SLC4A4: variants seen among roughly 807,000 people sequenced by gnomAD.
SLC4A4 encodes the protein solute carrier family 4 member 4.
In SLC4A4, 27 loss-of-function variants were observed where a neutral mutation model predicts 111.5. That is an observed-to-expected ratio of 0.24 (90% CI 0.18 to 0.33). SLC4A4 has a LOEUF of 0.33. Among genes scored for constraint, SLC4A4 ranks in the 10% least tolerant of loss-of-function variants. The pLI is 1.00. For missense variants in SLC4A4, 909 were observed against 1,315.5 expected (o/e 0.69, Z 4.78); for synonymous variants, 443 against 463.4 (o/e 0.96, Z 0.57).
chr4:71,143,501 C>T (rs970236756), intron 2 of SLC4A4, among the ~76,000 whole-genome samples: 2 of 152,160 alleles, frequency 1.3e-5, no homozygotes, highest in Non-Finnish European at 2.9e-5. Context: ...ATTTCTAATT[C>T]TAGATCCCTG....
intron 2 of SLC4A4, among the ~76,000 whole-genome samples, chr4:71,172,176 T>A (rs567358798): frequency 7.2e-5 from 11 of 152,178 alleles, no homozygotes; most frequent in African/African-American, 2.7e-4. Context: ...GGAGTTTACC[T>A]ATCAATAATT....
intron 3 of SLC4A4, among the ~76,000 whole-genome samples, chr4:71,268,076 T>TG (rs1491286712): frequency 0.16 from 1,766 of 11,080 alleles, 16 homozygotes; most frequent in Middle Eastern, 0.25. Context: ...TAAAGTAGTG[T>TG]TTTTTTTTTT....
At chr4:71,078,872 G>T (rs796264772) in intron 1 of SLC4A4, among the ~76,000 whole-genome samples, 8 of 152,056 alleles carry the variant, frequency 5.3e-5, no homozygotes, top group African/African-American at 1.9e-4. Flanking sequence ...AGGTTGGAGT[G>T]CAATGGCATG....
chr4:71,389,415 C>A (rs1719063563), intron 6 of SLC4A4, among the ~76,000 whole-genome samples: 1 of 152,226 alleles, frequency 6.6e-6, no homozygotes, highest in Admixed American at 6.5e-5. Flanking sequence ...CAGCTTTTCT[C>A]TACCCCAGCC....
intron 6 of SLC4A4, among the ~76,000 whole-genome samples, chr4:71,358,212 G>A (rs1443127634): frequency 1.3e-5 from 2 of 152,054 alleles, no homozygotes; most frequent in Admixed American, 1.3e-4. Flanking sequence ...CTACTTGGGA[G>A]GGTGAGGCCA....
At chr4:71,090,311 A>G (rs570024655) in intron 1 of SLC4A4, among the ~76,000 whole-genome samples, 2 of 152,256 alleles carry the variant, frequency 1.3e-5, no homozygotes, top group Admixed American at 6.5e-5. Flanking sequence ...TTCTTTGACT[A>G]GGAAAGGGAA....
chr4:71,204,072 A>T (rs1390656849), intron 1 of SLC4A4, among the ~76,000 whole-genome samples: 3 of 152,226 alleles, frequency 2.0e-5, no homozygotes, highest in African/African-American at 7.2e-5. Flanking sequence ...GGTTTATCAA[A>T]AGGAGAGGAA....
chr4:71,174,794 G>A (rs2579335), intron 2 of SLC4A4, among the ~76,000 whole-genome samples: 1 of 152,064 alleles, frequency 6.6e-6, no homozygotes, highest in Non-Finnish European at 1.5e-5. Context: ...CCAGGCTGGA[G>A]TGCAGTGGCA....
chr4:71,390,875 T>C (rs1719192355), intron 6 of SLC4A4, among the ~76,000 whole-genome samples: 1 of 152,164 alleles, frequency 6.6e-6, no homozygotes, highest in Non-Finnish European at 1.5e-5. Context: ...TTAACCTGCT[T>C]GAAGTTCATT....
intron 1 of SLC4A4, among the ~76,000 whole-genome samples, chr4:71,222,489 A>T (rs1718805644): frequency 6.6e-6 from 1 of 152,154 alleles, no homozygotes; most frequent in South Asian, 2.1e-4. Context: ...ACGATTTTTA[A>T]ATTTTGGGTA....
intron 3 of SLC4A4, among the ~76,000 whole-genome samples, chr4:71,274,108 A>G (rs1361653395): frequency 6.6e-6 from 1 of 152,244 alleles, no homozygotes; most frequent in Non-Finnish European, 1.5e-5. Context: ...TAATGAACAC[A>G]TTTTATATGT....
At chr4:71,180,313 A>C (rs1409894407) in intron 2 of SLC4A4, among the ~76,000 whole-genome samples, 2 of 152,244 alleles carry the variant, frequency 1.3e-5, no homozygotes, top group African/African-American at 4.8e-5. Flanking sequence ...TGTCTAAAAC[A>C]CCAAAAGCAA....
At chr4:71,067,454 C>T (rs1741550764) in intron 1 of SLC4A4, among the ~76,000 whole-genome samples, 1 of 152,238 alleles carries the variant, frequency 6.6e-6, no homozygotes. Flanking sequence ...TGATTATTGG[C>T]TATTTTGTTC....
intron 7 of SLC4A4, among the ~76,000 whole-genome samples, chr4:71,415,158 A>G (rs1029479737): frequency 6.6e-6 from 1 of 152,378 alleles, no homozygotes. Flanking sequence ...TGGTAGAATG[A>G]ACTTACCTAG....
rs552341302 is a variant in SLC4A4 at position 71,188,650 on chromosome 4, C to CT, written c.-2+1259dup. On this transcript the variant is annotated intron_variant, in intron 1 of 25. Coordinates refer to ENST00000264485, the MANE Select transcript of SLC4A4 (RefSeq NM_001098484.3). ...TTAAAGTGTACATTGCTCATTTGGG[C>CT]TTTTTTTTTTCATTGTGATTTCAGT... Among the ~76,000 whole-genome samples the CT allele has an allele frequency of 3.9e-4, 58 of 147,412 alleles. No homozygotes were observed. In the East Asian group the frequency reaches 4.4e-3, roughly 11 times the overall value.
Position 71,472,910 on chromosome 4 carries a change from T to A in SLC4A4, c.1843T>A (p.Ser615Thr). Reference sequence around the variant, plus strand: ...GCTTGCAGATTACTACCCCATCAACTCCAACTTCAAAGTGGGCTACAACAC... The same window carrying A: ...GCTTGCAGATTACTACCCCATCAACACCAACTTCAAAGTGGGCTACAACAC... ...IKLADYYPIN[S>T]NFKVGYNTLF... Residue 615 changes from serine to threonine, a missense_variant, in exon 14 of 26, where the codon TCC becomes ACC. Ser to Thr is a moderately conservative substitution (Grantham distance 58). Around this residue, in one of 7 missense-constraint regions of SLC4A4, gnomAD observed 264 missense variants for 356.8 expected, o/e 0.74. Transcript: ENST00000264485. 1 of 1,612,956 alleles carries A rather than the reference T, an allele frequency of 6.2e-7. No homozygotes were observed. Among genetic ancestry groups the A allele is most frequent in the Non-Finnish European group, 8.5e-7 (1 of 1,179,372 alleles).
At chr4:71,522,687 T>C (rs1189342006) in intron 16 of SLC4A4, among the ~76,000 whole-genome samples, 1 of 152,196 alleles carries the variant, frequency 6.6e-6, no homozygotes, top group Non-Finnish European at 1.5e-5. Context: ...AGAATATGCA[T>C]TAATTCTAAC....
intron 1 of SLC4A4, among the ~76,000 whole-genome samples, chr4:71,221,563 A>G (rs1718747343): frequency 6.6e-6 from 1 of 152,126 alleles, no homozygotes; most frequent in South Asian, 2.1e-4. Flanking sequence ...AAAAAAAAAC[A>G]CCAACAATAA....
In SLC4A4 at chr4:71,336,591, A is replaced by C. The variant is rs56920712; in HGVS notation, c.254-2779A>C. On this transcript the variant is annotated intron_variant, in intron 3 of 25. Transcript: ENST00000264485. Reference sequence around the variant, plus strand: ...TGATACAGAGCATGCATTTTTTTTCAATGCCTAGACAAACTGTCATGCTCT... The same window carrying C: ...TGATACAGAGCATGCATTTTTTTTCCATGCCTAGACAAACTGTCATGCTCT... Among the ~76,000 whole-genome samples, 1,195 of 152,186 alleles carry C rather than the reference A, an allele frequency of 7.9e-3. 16 individuals are homozygous for C. The highest frequency in any genetic ancestry group is 0.025 in the African/African-American group (1,057 of 41,532).
Sources: allele counts gnomAD v4.1 joint callset (sites outside exome capture counted in the v4.1 genomes callset), GRCh38; gene constraint gnomAD v4.1.1; regional missense constraint gnomAD v4.1.1; transcripts MANE v1.5; gene names NCBI Gene and HGNC (gene_info 2026-07-23, HGNC 2026-07-21).